ARHGAP18: variants seen among roughly 807,000 people sequenced by gnomAD.
ARHGAP18 encodes the protein rho GTPase-activating protein 18.
In ARHGAP18, 67 loss-of-function variants were observed where a neutral mutation model predicts 86.2. That is an observed-to-expected ratio of 0.78 (90% CI 0.64 to 0.95). The LOEUF is 0.95. ARHGAP18 is among the 40% of genes least tolerant of loss of function. The pLI, the probability that ARHGAP18 is intolerant of heterozygous loss-of-function variation, is 0.00. For missense variants in ARHGAP18, 691 were observed against 780.4 expected (o/e 0.89, Z 1.37); for synonymous variants, 283 against 280.4 (o/e 1.01, Z -0.09).
chr6:129,634,210 C>G (rs1425517416), intron 3 of ARHGAP18, 105 bp from the exon 4 acceptor site: 1 of 927,030 alleles, frequency 1.1e-6, no homozygotes. Flanking sequence ...GACATGTACT[C>G]AGAATTATAA....
chr6:129,610,869 C>T (rs542492440), intron 8 of ARHGAP18, among the ~76,000 whole-genome samples: 28 of 152,084 alleles, frequency 1.8e-4, no homozygotes, highest in Admixed American at 8.5e-4. Context: ...CCTCGTGATC[C>T]GCCCACCTTG....
At chr6:129,673,702 T>TTAAC (rs1203718179) in intron 1 of ARHGAP18, among the ~76,000 whole-genome samples, 2 of 152,190 alleles carry the variant, frequency 1.3e-5, no homozygotes, top group African/African-American at 4.8e-5. Context: ...TGTACATCAG[T>TTAAC]TAACTCTTTT....
intron 1 of ARHGAP18, among the ~76,000 whole-genome samples, chr6:129,656,371 C>T (rs745976533): frequency 6.6e-5 from 10 of 152,146 alleles, no homozygotes; most frequent in Admixed American, 4.6e-4. Context: ...AGGCCAGGTG[C>T]GGTGGCTCAT....
Position 129,639,719 on chromosome 6 carries a change from C to T in ARHGAP18, c.317-1090G>A, listed in dbSNP as rs541943730. On this transcript the variant is annotated intron_variant, in intron 2 of 14. Transcript: ENST00000368149. Reference sequence around the variant, plus strand: ...AGCCAGTGCTAGGCACTGTGCACACCAGACAACAAAAACAGTTTACTAGCA... The same window carrying T: ...AGCCAGTGCTAGGCACTGTGCACACTAGACAACAAAAACAGTTTACTAGCA... 3.4e-4 allele frequency among the ~76,000 whole-genome samples: 52 copies of T among 152,158 alleles called. 1 individual carries two copies. The highest frequency in any genetic ancestry group is 3.1e-3 in the Admixed American group (48 of 15,282).
intron 1 of ARHGAP18, among the ~76,000 whole-genome samples, chr6:129,654,051 TAC>T (rs1335038076): frequency 1.3e-5 from 2 of 151,718 alleles, no homozygotes; most frequent in Non-Finnish European, 2.9e-5. Context: ...TGGAAAAACA[TAC>T]ACACACACAC....
rs74503437 is a variant in ARHGAP18, at chr6:129,657,260, T to C, written c.114-15242A>G. On this transcript the variant is annotated intron_variant, in intron 1 of 14. Transcript: ENST00000368149. The stretch of plus-strand genomic sequence containing the variant: ...TGCTTTCCATGGTTCTTGTTTCTTT[T>C]TAAGAAAGGCTTTGCTGATCATTTG... Among the ~76,000 whole-genome samples the C allele has an allele frequency of 6.7e-4, 102 of 152,276 alleles. 1 individual carries two copies. In the East Asian group the frequency reaches 0.017, roughly 25 times the overall value.
At chr6:129,699,813 C>A (rs567303910) in intron 1 of ARHGAP18, among the ~76,000 whole-genome samples, 2 of 152,264 alleles carry the variant, frequency 1.3e-5, no homozygotes, top group South Asian at 4.1e-4. Flanking sequence ...CTTTTATGAG[C>A]CTTTTGTAAG....
At chr6:129,673,602 T>C (rs561405485) in intron 1 of ARHGAP18, among the ~76,000 whole-genome samples, 20 of 152,322 alleles carry the variant, frequency 1.3e-4, no homozygotes, top group African/African-American at 4.6e-4. Context: ...ACTATTTATA[T>C]GGTAAATGCC....
Position 129,577,246 on chromosome 6 carries a change from C to G in ARHGAP18, c.*1267G>C, listed in dbSNP as rs1391475532. 6.6e-6 allele frequency: 1 copy of G among 151,996 alleles called. No homozygotes were observed. The highest frequency in any genetic ancestry group is 1.5e-5 in the Non-Finnish European group (1 of 67,978). 9.4% of individuals were successfully genotyped at this position (151,996 alleles called of 1,614,324 possible). A position where few individuals can be genotyped will look rare whatever the true frequency, so the allele number is the denominator to read the frequency against. On this transcript the variant is annotated 3_prime_UTR_variant, in exon 15 of 15. Coordinates refer to ENST00000368149, the MANE Select transcript of ARHGAP18 (RefSeq NM_033515.3). ...TATGACTGTTCTCATTAACAGCATT[C>G]CCCCCCTTCATTAGAGACATCAAGA...
At chr6:129,667,139 T>C (rs1283647302) in intron 1 of ARHGAP18, among the ~76,000 whole-genome samples, 1 of 152,110 alleles carries the variant, frequency 6.6e-6, no homozygotes, top group Non-Finnish European at 1.5e-5. Flanking sequence ...TAAAAATATC[T>C]TCCCACTCTG....
At position 129,578,534 on chromosome 6, in the gene ARHGAP18, AACCCAC is replaced by A; in HGVS notation, c.1965_1970del (p.Glu655_Val657delinsAsp). On this transcript the variant is annotated inframe_deletion, in exon 15 of 15. Coordinates refer to ENST00000368149, the MANE Select transcript of ARHGAP18 (RefSeq NM_033515.3). ...TCTTCTACAATGGCTTTGACTTTAT[AACCCAC>A]TCAGCATTTGGGTTAAGCTGATATA... The A allele has an allele frequency of 6.2e-7, 1 of 1,612,178 alleles. No homozygotes were observed. The highest frequency in any genetic ancestry group is 8.5e-7 in the Non-Finnish European group (1 of 1,178,808).
intron 1 of ARHGAP18, among the ~76,000 whole-genome samples, chr6:129,672,143 A>G (rs952013760): frequency 1.1e-4 from 16 of 151,980 alleles, no homozygotes; most frequent in African/African-American, 3.9e-4. Flanking sequence ...CCTGGCTCAG[A>G]TTTTTCATCT....
chr6:129,620,038 C>T (rs1332166303), intron 5 of ARHGAP18, among the ~76,000 whole-genome samples: 1 of 152,074 alleles, frequency 6.6e-6, no homozygotes, highest in African/African-American at 2.4e-5. Context: ...CCAGCACTGC[C>T]CAAGTGCTTT....
intron 1 of ARHGAP18, among the ~76,000 whole-genome samples, chr6:129,687,356 C>T (rs1774447720): frequency 6.6e-6 from 1 of 152,154 alleles, no homozygotes; most frequent in Non-Finnish European, 1.5e-5. Context: ...TCTACTGACA[C>T]AGCATATAGC....
intron 1 of ARHGAP18, among the ~76,000 whole-genome samples, chr6:129,644,270 C>T (rs1311472808): frequency 6.6e-6 from 1 of 152,158 alleles, no homozygotes; most frequent in African/African-American, 2.4e-5. Context: ...CCACCTGGGT[C>T]CCCATATCCG....
intron 1 of ARHGAP18, among the ~76,000 whole-genome samples, chr6:129,676,669 T>G (rs1039088006): frequency 6.6e-6 from 1 of 152,224 alleles, no homozygotes; most frequent in East Asian, 1.9e-4. Context: ...GAGCAAGCAC[T>G]CACTGCATAA....
rs759949551 is a variant in ARHGAP18 at position 129,641,934 on chromosome 6, G to C, written c.198C>G (p.Ser66=). ...MEKPPFDRSI[S]QDSLDELSME... Reference sequence around the variant, plus strand: ...TAGATAGTTCATCCAAAGAATCCTGGGAAATTGATCGATCAAATGGAGGCT... The same window carrying C: ...TAGATAGTTCATCCAAAGAATCCTGCGAAATTGATCGATCAAATGGAGGCT... Residue 66 remains serine (S), a synonymous_variant, in exon 2 of 15, where the codon TCC becomes TCG. Transcript: ENST00000368149. 6 of 1,613,758 alleles carry C rather than the reference G, an allele frequency of 3.7e-6. No individual in the cohort carries two copies. In the East Asian group the frequency reaches 1.3e-4, roughly 36 times the overall value.
chr6:129,654,952 A>C (rs1199132460), intron 1 of ARHGAP18, among the ~76,000 whole-genome samples: 3 of 152,178 alleles, frequency 2.0e-5, no homozygotes, highest in Non-Finnish European at 2.9e-5. Context: ...GTCAGGAAAG[A>C]GAGGTGGAAG....
chr6:129,661,994 A>AC, intron 1 of ARHGAP18: 3 of 846,236 alleles, frequency 3.5e-6, no homozygotes, highest in Non-Finnish European at 4.3e-6. Flanking sequence ...ACACACACAG[A>AC]ACACAAAGCC....
Sources: gnomAD v4.1 joint callset for allele counts (sites outside exome capture counted in the v4.1 genomes callset) on GRCh38, gnomAD v4.1.1 for gene constraint, MANE v1.5 for transcripts, NCBI Gene and HGNC (gene_info 2026-07-23, HGNC 2026-07-21) for gene names.